LYPD6: variants seen among roughly 807,000 people sequenced by gnomAD.
The protein encoded by LYPD6 is ly6/PLAUR domain-containing protein 6.
A neutral mutation model predicts 22.7 loss-of-function variants in LYPD6; 15 were observed. The observed-to-expected ratio is 0.66, with a 90% confidence interval of 0.44 to 1.02. LYPD6 has a LOEUF of 1.02. Among genes scored for constraint, LYPD6 ranks in the 50% least tolerant of loss-of-function variants. The pLI, the probability that LYPD6 is intolerant of heterozygous loss-of-function variation, is 0.00. For missense variants in LYPD6, 189 were observed against 208.4 expected (o/e 0.91, Z 0.57); for synonymous variants, 72 against 77.5 (o/e 0.93, Z 0.37).
At chr2:149,381,082 G>A (rs1293692487) in intron 1 of LYPD6, among the ~76,000 whole-genome samples, 2 of 152,296 alleles carry the variant, frequency 1.3e-5, no homozygotes, top group Non-Finnish European at 1.5e-5. Context: ...TTTGGGTGGT[G>A]TGGTGGGGCA....
intron 1 of LYPD6, among the ~76,000 whole-genome samples, chr2:149,393,051 T>A (rs1301457995): frequency 6.6e-6 from 1 of 152,160 alleles, no homozygotes; most frequent in Non-Finnish European, 1.5e-5. Flanking sequence ...TCTTTGTACT[T>A]TGGCCCAGGT....
At chr2:149,446,345 C>T (rs942248371) in intron 2 of LYPD6, among the ~76,000 whole-genome samples, 1 of 152,166 alleles carries the variant, frequency 6.6e-6, no homozygotes, top group Non-Finnish European at 1.5e-5. Flanking sequence ...CACCGATAGA[C>T]TTGCTCAATG....
At chr2:149,465,181 G>A (rs776140241) in intron 3 of LYPD6, among the ~76,000 whole-genome samples, 8 of 152,148 alleles carry the variant, frequency 5.3e-5, no homozygotes, top group Non-Finnish European at 8.8e-5. Flanking sequence ...CAGAGATTAG[G>A]AGAACATCTG....
Position 149,369,391 on chromosome 2 carries a change from G to A in LYPD6, c.-72+38669G>A, listed in dbSNP as rs531150781. Among the ~76,000 whole-genome samples the A allele has an allele frequency of 4.6e-5, 7 of 152,056 alleles. 1 individual carries two copies. Among genetic ancestry groups the A allele is most frequent in the African/African-American group, 1.4e-4 (6 of 41,396 alleles). ...TGTCTAAAAACCATCTTCCTCCATTGCTCTGTGTGGGTGACATACCCACAG... is the reference window on the plus strand; with the variant it reads ...TGTCTAAAAACCATCTTCCTCCATTACTCTGTGTGGGTGACATACCCACAG... On this transcript the variant is annotated intron_variant, in intron 1 of 4. Transcript: ENST00000334166.
chr2:149,336,933 G>GTGTGTGTGTA (rs1681046117), intron 1 of LYPD6, among the ~76,000 whole-genome samples: 3 of 148,886 alleles, frequency 2.0e-5, no homozygotes, highest in Non-Finnish European at 4.4e-5. Flanking sequence ...AATAACGTGT[G>GTGTGTGTGTA]TGTGTGTGTG....
chr2:149,352,818 C>T (rs1681383508), intron 1 of LYPD6, among the ~76,000 whole-genome samples: 1 of 152,138 alleles, frequency 6.6e-6, no homozygotes, highest in Non-Finnish European at 1.5e-5. Context: ...TATGTAAAAT[C>T]CTTTTTAATT....
chr2:149,363,492 A>T (rs1681606917), intron 1 of LYPD6, among the ~76,000 whole-genome samples: 1 of 152,194 alleles, frequency 6.6e-6, no homozygotes, highest in Admixed American at 6.5e-5. Flanking sequence ...TATCCTGCTT[A>T]GTCATGTTCT....
At chr2:149,367,923 T>C (rs1573746035) in intron 1 of LYPD6, 1 of 152,246 alleles carries the variant, frequency 6.6e-6, no homozygotes, top group East Asian at 1.9e-4. Flanking sequence ...ATCTCATTAA[T>C]TCCTGGCTGG....
intron 1 of LYPD6, among the ~76,000 whole-genome samples, chr2:149,408,498 A>G (rs1187525609): frequency 6.6e-6 from 1 of 152,182 alleles, no homozygotes; most frequent in Non-Finnish European, 1.5e-5. Flanking sequence ...TTCGTCAAAT[A>G]TATTTTCCAA....
intron 2 of LYPD6, among the ~76,000 whole-genome samples, chr2:149,441,965 G>A (rs551245772): frequency 2.0e-5 from 3 of 152,254 alleles, no homozygotes; most frequent in African/African-American, 7.2e-5. Context: ...TGCCCATGTA[G>A]AGAGCCAAAT....
intron 1 of LYPD6, among the ~76,000 whole-genome samples, chr2:149,414,123 T>C (rs1682912233): frequency 6.6e-6 from 1 of 152,238 alleles, no homozygotes; most frequent in Non-Finnish European, 1.5e-5. Flanking sequence ...GCAATAGAAC[T>C]TTGATAGATG....
At chr2:149,380,397 C>T (rs1682033392) in intron 1 of LYPD6, among the ~76,000 whole-genome samples, 1 of 152,132 alleles carries the variant, frequency 6.6e-6, no homozygotes, top group Non-Finnish European at 1.5e-5. Context: ...AGGTGGGAGG[C>T]TTATGCGACA....
intron 1 of LYPD6, among the ~76,000 whole-genome samples, chr2:149,337,631 T>TA (rs112491538): frequency 0.1 from 15,603 of 149,798 alleles, 852 homozygotes; most frequent in East Asian, 0.16. Context: ...TGGCCCCCTT[T>TA]AAAAAAAAAA....
intron 2 of LYPD6, among the ~76,000 whole-genome samples, chr2:149,443,341 A>G (rs1221108969): frequency 4.9e-4 from 75 of 152,300 alleles, no homozygotes; most frequent in Non-Finnish European, 8.8e-5. Flanking sequence ...CCATCCAAAA[A>G]TTTTACTGGC....
At chr2:149,458,034 AC>A (rs1226370973) in intron 3 of LYPD6, among the ~76,000 whole-genome samples, 1 of 152,204 alleles carries the variant, frequency 6.6e-6, no homozygotes, top group Non-Finnish European at 1.5e-5. Context: ...TAGAAAGATA[AC>A]TTTTAGACAA....
At position 149,471,843 on chromosome 2, in the gene LYPD6, A is replaced by G. The variant is rs529516939; in HGVS notation, c.*993A>G. 1 of 152,720 alleles carries G rather than the reference A, an allele frequency of 6.5e-6. No homozygotes were observed. Among genetic ancestry groups the G allele is most frequent in the Non-Finnish European group, 1.5e-5 (1 of 68,026 alleles). 9.5% of individuals were successfully genotyped at this position (152,720 alleles called of 1,614,324 possible). A position where few individuals can be genotyped will look rare whatever the true frequency, so the allele number is the denominator to read the frequency against. The stretch of plus-strand genomic sequence containing the variant: ...CAGTTCATACTGCCAAAGAGCTCCC[A>G]CTTCCAAATCCCCAGTGACTTTATG... On this transcript the variant is annotated 3_prime_UTR_variant, in exon 5 of 5. Coordinates refer to ENST00000334166, the MANE Select transcript of LYPD6 (RefSeq NM_194317.5).
At chr2:149,352,056 C>T (rs1190534117) in intron 1 of LYPD6, among the ~76,000 whole-genome samples, 1 of 152,108 alleles carries the variant, frequency 6.6e-6, no homozygotes, top group Admixed American at 6.5e-5. Context: ...TGTGGACATT[C>T]TGCCACTCTC....
intron 1 of LYPD6, among the ~76,000 whole-genome samples, chr2:149,346,208 T>C (rs962792039): frequency 2.9e-4 from 44 of 152,338 alleles, no homozygotes; most frequent in African/African-American, 1.1e-3. Context: ...TATTTTTTTT[T>C]GTAACTCACA....
chr2:149,384,503 C>T (rs762128540), intron 1 of LYPD6, among the ~76,000 whole-genome samples: 1 of 152,160 alleles, frequency 6.6e-6, no homozygotes, highest in South Asian at 2.1e-4. Context: ...GGCAAAGGCT[C>T]AGCACTGGCC....
Sources: allele counts gnomAD v4.1 joint callset (sites outside exome capture counted in the v4.1 genomes callset), GRCh38; gene constraint gnomAD v4.1.1; transcripts MANE v1.5; gene names NCBI Gene and HGNC (gene_info 2026-07-23, HGNC 2026-07-21).